The following DMD variants were observed in gnomAD, a reference collection of about 807,000 sequenced individuals.
The protein encoded by DMD is dystrophin, also known as mutant dystrophin.
Under a neutral mutation model 330.1 loss-of-function variants are expected in DMD, and 63 were observed. The observed-to-expected ratio is 0.19, with a 90% CI of 0.16 to 0.24. The LOEUF (loss-of-function observed/expected upper bound fraction) is 0.24. Among genes scored for constraint, DMD ranks in the 10% least tolerant of loss-of-function variants. The probability of loss-of-function intolerance (pLI) is 1.00; values close to 1 mark genes in which losing one functional copy is unlikely to be tolerated. For missense variants in DMD, 3,344 were observed against 2,684.1 expected, an observed-to-expected ratio of 1.25 and a Z score of -5.43; for synonymous variants, 1,223 against 959.8, an observed-to-expected ratio of 1.27 and a Z score of -5.07.
At chrX:32,420,259 C>T (rs759315756) in intron 29 of DMD, among the ~76,000 whole-genome samples, 93 of 111,771 alleles carry the variant, frequency 8.3e-4, no homozygotes, top group African/African-American at 2.9e-3. Flanking sequence ...AAGTCGCTGT[C>T]TCCTGATATG....
intron 2 of DMD, among the ~76,000 whole-genome samples, chrX:32,946,871 T>G (rs960269552): frequency 9.0e-6 from 1 of 111,665 alleles, no homozygotes; most frequent in Non-Finnish European, 1.9e-5. Context: ...CTAAACCAAT[T>G]AAATTAGAAA....
intron 1 of DMD, among the ~76,000 whole-genome samples, chrX:33,042,914 A>T (rs1642357144): frequency 8.9e-6 from 1 of 111,748 alleles, no homozygotes; most frequent in African/African-American, 3.3e-5. Flanking sequence ...ACTCAGGCAG[A>T]CATCCTTAGT....
chrX:33,202,007 T>G lies in DMD; in HGVS notation c.31+9275A>C, dbSNP rs183474261. 2.7e-5 allele frequency among the ~76,000 whole-genome samples: 3 copies of G among 112,439 alleles called. No individual in the cohort carries two copies. In the East Asian group the frequency reaches 8.4e-4, roughly 32 times the overall value. On this transcript the variant is annotated intron_variant, in intron 1 of 78. Coordinates refer to ENST00000357033, the MANE Select transcript of DMD (RefSeq NM_004006.3). ...GAAACAAGATAACTGTTATGGATAT[T>G]ATCATAGACAGCTCCCTATGCAAGT... is the stretch of plus-strand genomic sequence containing the variant.
At chrX:32,270,595 G>T (rs765584780) in intron 43 of DMD, among the ~76,000 whole-genome samples, 1 of 111,533 alleles carries the variant, frequency 9.0e-6, no homozygotes, top group Non-Finnish European at 1.9e-5. Flanking sequence ...TATGCCACGT[G>T]ACTTGCTTTG....
chrX:31,426,590 C>T (rs114679426), intron 60 of DMD, among the ~76,000 whole-genome samples: 6,186 of 111,886 alleles, frequency 0.055, 404 homozygotes, highest in African/African-American at 0.19. Flanking sequence ...CCTGTTTACC[C>T]GAACTCCCCA....
At chrX:32,450,147 T>C (rs1217681510) in intron 26 of DMD, among the ~76,000 whole-genome samples, 2 of 110,746 alleles carry the variant, frequency 1.8e-5, no homozygotes, top group African/African-American at 6.6e-5. Flanking sequence ...CAGAAAGCCC[T>C]CAAGTAAAGG....
At chrX:33,232,013 A>C (rs1312701664) in intron 1 of DMD, among the ~76,000 whole-genome samples, 3 of 111,934 alleles carry the variant, frequency 2.7e-5, no homozygotes, top group Non-Finnish European at 5.6e-5. Context: ...GGATTGGGCC[A>C]AGCCAGCAAG....
At chrX:31,348,111 T>C in intron 61 of DMD, 1 of 152,384 alleles carries the variant, frequency 6.6e-6, no homozygotes, top group Non-Finnish European at 1.3e-5. Context: ...TGGATGATCA[T>C]ATTATAATTA....
chrX:33,045,220 T>C (rs2094360732), intron 1 of DMD, among the ~76,000 whole-genome samples: 1 of 109,994 alleles, frequency 9.1e-6, no homozygotes, highest in South Asian at 3.9e-4. Flanking sequence ...TAGGATTAGT[T>C]GCCTGTGATA....
At chrX:32,148,792 T>A (rs1473639410) in intron 44 of DMD, among the ~76,000 whole-genome samples, 3 of 111,617 alleles carry the variant, frequency 2.7e-5, no homozygotes, top group African/African-American at 9.8e-5. Context: ...TGGTGATAAC[T>A]TGTACTCATT....
chrX:32,861,002 G>C (rs758808925), intron 2 of DMD, among the ~76,000 whole-genome samples: 6 of 112,069 alleles, frequency 5.4e-5, no homozygotes, highest in Non-Finnish European at 7.5e-5. Flanking sequence ...GGAATGGTAT[G>C]ATGCCATGAA....
chrX:31,337,969 T>C (rs2057497836), intron 61 of DMD, among the ~76,000 whole-genome samples: 1 of 111,569 alleles, frequency 9.0e-6, no homozygotes, highest in African/African-American at 3.3e-5. Context: ...TCATAAAGTC[T>C]AGGAGAGGTT....
rs1222971700 is a variant in DMD, at chrX:32,843,938, C to T, written c.264+845G>A. On this transcript the variant is annotated intron_variant, in intron 4 of 78. Transcript: ENST00000357033. ...AATCTAAACCAAAAAAACAAATCTG[C>T]CATTCATACCCCAAGTAAAAATAGT... is the stretch of plus-strand genomic sequence containing the variant. Among the ~76,000 whole-genome samples the T allele has an allele frequency of 3.6e-5, 4 of 112,144 alleles. No individual in the cohort carries two copies. In the East Asian group the frequency reaches 1.1e-3, roughly 32 times the overall value.
intron 60 of DMD, among the ~76,000 whole-genome samples, chrX:31,424,704 G>A (rs1313827154): frequency 1.8e-5 from 2 of 112,548 alleles, no homozygotes; most frequent in East Asian, 5.5e-4. Flanking sequence ...AATTATCAAT[G>A]TCCTTAACAA....
intron 26 of DMD, among the ~76,000 whole-genome samples, chrX:32,449,644 T>A (rs976899123): frequency 9.3e-6 from 1 of 108,008 alleles, no homozygotes; most frequent in Non-Finnish European, 1.9e-5. Flanking sequence ...TCTCCCTCAT[T>A]GCAAAAAATA....
chrX:31,639,697 A>G (rs1252260833), intron 54 of DMD, among the ~76,000 whole-genome samples: 1 of 112,060 alleles, frequency 8.9e-6, no homozygotes, highest in African/African-American at 3.2e-5. Context: ...ATAACTGCAT[A>G]CTACAACACA....
intron 11 of DMD, among the ~76,000 whole-genome samples, chrX:32,632,881 C>T (rs1029221524): frequency 1.8e-5 from 2 of 112,540 alleles, no homozygotes; most frequent in Non-Finnish European, 3.8e-5. Context: ...AAATGCCTTC[C>T]AGGCCTTTTT....
At chrX:32,411,384 A>T (rs2098141304) in intron 30 of DMD, among the ~76,000 whole-genome samples, 1 of 111,103 alleles carries the variant, frequency 9.0e-6, no homozygotes, top group African/African-American at 3.3e-5. Context: ...GGGCCTCAGC[A>T]TCCCAAAGGG....
chrX:33,022,601 C>T (rs186025997), intron 1 of DMD, among the ~76,000 whole-genome samples: 1 of 109,810 alleles, frequency 9.1e-6, no homozygotes, highest in Non-Finnish European at 1.9e-5. Flanking sequence ...ATTCTTAGTG[C>T]CTTACTATTC....
Sources: gnomAD v4.1 joint callset for allele counts (sites outside exome capture counted in the v4.1 genomes callset) on GRCh38, gnomAD v4.1.1 for gene constraint, MANE v1.5 for transcripts, NCBI Gene and HGNC (gene_info 2026-07-23, HGNC 2026-07-21) for gene names.